Variants in ABCB8 observed in about 807,000 individuals in gnomAD.
ABCB8 encodes ATP binding cassette subfamily B member 8, also known as mitochondrial potassium channel ATP-binding subunit.
A neutral mutation model predicts 73.0 loss-of-function variants in ABCB8; 52 were observed. The ratio of observed to expected loss-of-function variants is 0.71; its 90% CI spans 0.57 to 0.90. The LOEUF is 0.90. ABCB8 is among the 40% of genes least tolerant of loss of function. The pLI, the probability that ABCB8 is intolerant of heterozygous loss-of-function variation, is 0.00. For missense variants in ABCB8, 909 were observed against 974.6 expected, an observed-to-expected ratio of 0.93 and a Z score of 0.90; for synonymous variants, 428 against 423.5, an observed-to-expected ratio of 1.01 and a Z score of -0.13.
chr7:151,031,465 A>G, intron 1 of ABCB8: 1 of 798,734 alleles, frequency 1.3e-6, no homozygotes, highest in Non-Finnish European at 1.8e-6. Context: ...TAGGGATGTG[A>G]AAGGCCATGA....
intron 1 of ABCB8, 112 bp downstream of exon 1, chr7:151,028,722 G>A (rs991431514): frequency 4.7e-5 from 72 of 1,545,996 alleles, no homozygotes; most frequent in Non-Finnish European, 6.0e-5. Flanking sequence ...GGGAGCTGTA[G>A]GCCAGGCCTA....
chr7:151,034,045 A>T, intron 2 of ABCB8, 128 bp downstream of exon 2: 6 of 1,283,264 alleles, frequency 4.7e-6, no homozygotes, highest in Non-Finnish European at 5.2e-6. Context: ...CCAGGGGTCC[A>T]GGGGTGCCAG....
At chr7:151,042,905 G>A (rs1189025602) in intron 14 of ABCB8, among the ~76,000 whole-genome samples, 10 of 152,166 alleles carry the variant, frequency 6.6e-5, no homozygotes, top group Non-Finnish European at 1.3e-4. Flanking sequence ...TGTCCTCACT[G>A]GGTGCTCTCC....
At chr7:151,033,568 G>A (rs747963237) in intron 1 of ABCB8, 37 bp from the exon 2 acceptor site, 7 of 1,520,376 alleles carry the variant, frequency 4.6e-6, no homozygotes, top group East Asian at 4.6e-5. Flanking sequence ...GAGGGCAGTC[G>A]GAGCCTCAAG....
At chr7:151,033,367 G>C in intron 1 of ABCB8, 2 of 1,356,900 alleles carry the variant, frequency 1.5e-6, no homozygotes, top group Non-Finnish European at 1.9e-6. Context: ...GTTGCCCAGG[G>C]GAATAAGACT....
chr7:151,044,249 TGG>T, intron 15 of ABCB8, 28 bp downstream of exon 15: 1 of 1,588,770 alleles, frequency 6.3e-7, no homozygotes. Flanking sequence ...CGTGGATCAG[TGG>T]GTTGAGGATG....
At chr7:151,034,654 G>C (rs539313810) in intron 4 of ABCB8, 55 bp downstream of exon 4, 1 of 1,611,734 alleles carries the variant, frequency 6.2e-7, no homozygotes, top group Non-Finnish European at 8.5e-7. Flanking sequence ...GAGGGGTCTG[G>C]GGGTAGGACC....
chr7:151,045,487 A>C lies in ABCB8; in HGVS notation c.*138A>C. 3.5e-6 allele frequency: 4 copies of C among 1,126,766 alleles called. No individual in the cohort carries two copies. Among genetic ancestry groups the C allele is most frequent in the Non-Finnish European group, 4.6e-6 (4 of 868,630 alleles). The allele number at this position is 1,126,766 out of a possible 1,614,324, so 69.8% of individuals were successfully genotyped here. ...GCTGCGGCTGCTCCTGCTCACAATA[A>C]AGCCGGGGCCGAGCAGCTGGCAGGG... On this transcript the variant is annotated 3_prime_UTR_variant, in exon 16 of 16. Transcript: ENST00000358849.
intron 14 of ABCB8, 134 bp downstream of exon 14, chr7:151,042,242 C>T (rs1325618172): frequency 2.3e-5 from 31 of 1,358,642 alleles, no homozygotes; most frequent in Non-Finnish European, 2.8e-5. Flanking sequence ...TCAGGGAAGA[C>T]GAGAACCACA....
intron 13 of ABCB8, 27 bp downstream of exon 13, chr7:151,041,259 G>T: frequency 6.3e-7 from 1 of 1,581,926 alleles, no homozygotes; most frequent in Non-Finnish European, 8.6e-7. Flanking sequence ...GCAGCCCTTG[G>T]CTCCCACTGC....
intron 14 of ABCB8, among the ~76,000 whole-genome samples, chr7:151,042,545 C>G (rs1442293747): frequency 6.6e-6 from 1 of 152,232 alleles, no homozygotes; most frequent in South Asian, 2.1e-4. Flanking sequence ...TGCTTTTCAT[C>G]TCTAAAGTCG....
At chr7:151,042,570 C>G (rs796310199) in intron 14 of ABCB8, among the ~76,000 whole-genome samples, 1 of 152,176 alleles carries the variant, frequency 6.6e-6, no homozygotes, top group Non-Finnish European at 1.5e-5. Flanking sequence ...TCATTAGAAT[C>G]GGGGTGACTG....
chr7:151,029,340 A>C (rs140278291), intron 1 of ABCB8, among the ~76,000 whole-genome samples: 206 of 152,018 alleles, frequency 1.4e-3, no homozygotes, highest in African/African-American at 4.5e-3. Context: ...TAACTTGTAC[A>C]TGTGTGTTTT....
Position 151,040,893 on chromosome 7 carries a change from T to C in ABCB8, c.1454T>C (p.Ile485Thr), listed in dbSNP as rs758369835. Residue 485 changes from isoleucine to threonine, a missense_variant, in exon 12 of 16, where the codon ATC becomes ACC. Coordinates refer to ENST00000358849, the MANE Select transcript of ABCB8 (RefSeq NM_007188.5). ...DFTLTLPPGKIVALVGQSGGG... is the reference protein window; with the variant it reads ...DFTLTLPPGKTVALVGQSGGG... Reference sequence around the variant, plus strand: ...ACCCTGACGCTGCCCCCTGGCAAGATCGTGGCCCTCGTGGGCCAGTCTGGC... The same window carrying C: ...ACCCTGACGCTGCCCCCTGGCAAGACCGTGGCCCTCGTGGGCCAGTCTGGC... The C allele has an allele frequency of 3.6e-5, 57 of 1,605,630 alleles. No individual in the cohort carries two copies. Among genetic ancestry groups the C allele is most frequent in the Non-Finnish European group, 4.7e-5 (55 of 1,176,368 alleles).
At chr7:151,034,040 G>GGTCCAGGGGTGCCAGGA in intron 2 of ABCB8, 123 bp downstream of exon 2, 1 of 1,307,194 alleles carries the variant, frequency 7.6e-7, no homozygotes. Context: ...GCTAGCCAGG[G>GGTCCAGGGGTGCCAGGA]GTCCAGGGGT....
At chr7:151,029,031 C>G (rs1274296926) in intron 1 of ABCB8, 4 of 1,173,454 alleles carry the variant, frequency 3.4e-6, no homozygotes, top group Non-Finnish European at 2.2e-6. Context: ...GGATAAAGAG[C>G]CAATCTAATA....
intron 14 of ABCB8, among the ~76,000 whole-genome samples, 175 bp downstream of exon 14, chr7:151,042,283 CAG>C (rs1430795895): frequency 1.3e-5 from 2 of 152,170 alleles, no homozygotes; most frequent in Non-Finnish European, 2.9e-5. Context: ...TGTGTGGGGA[CAG>C]GGGAGTCCAG....
intron 5 of ABCB8, 115 bp downstream of exon 5, chr7:151,034,944 C>G: frequency 1.1e-6 from 1 of 888,514 alleles, no homozygotes; most frequent in Non-Finnish European, 1.7e-6. Context: ...CATGCTGACT[C>G]GAGAAACCCA....
chr7:151,031,360 TG>T, intron 1 of ABCB8: 1 of 1,514,608 alleles, frequency 6.6e-7, no homozygotes, highest in Non-Finnish European at 8.8e-7. Flanking sequence ...ACCTGGCAGT[TG>T]GAATGGGGTG....
Sources: allele counts gnomAD v4.1 joint callset (sites outside exome capture counted in the v4.1 genomes callset), GRCh38; gene constraint gnomAD v4.1.1; transcripts MANE v1.5; gene names NCBI Gene and HGNC (gene_info 2026-07-23, HGNC 2026-07-21).